Variants in AQR observed in about 807,000 individuals in gnomAD.
The protein encoded by AQR is aquarius intron-binding spliceosomal factor, also known as RNA helicase aquarius.
A neutral mutation model predicts 180.5 loss-of-function variants in AQR; 61 were observed. The ratio of observed to expected loss-of-function variants is 0.34; its 90% confidence interval spans 0.28 to 0.42. The LOEUF is 0.42. Ranked by LOEUF, AQR falls within the 10% of genes least tolerant of loss-of-function variation. The probability of loss-of-function intolerance (pLI) is 1.00; values close to 1 mark genes in which losing one functional copy is unlikely to be tolerated. For synonymous variants in AQR, 551 were observed against 588.8 expected, an observed-to-expected ratio of 0.94 and a Z score of 0.93; for missense variants, 1,281 against 1,798.3, an observed-to-expected ratio of 0.71 and a Z score of 5.20.
intron 12 of AQR, among the ~76,000 whole-genome samples, chr15:34,929,284 G>A (rs1390697245): frequency 6.6e-6 from 1 of 152,100 alleles, no homozygotes; most frequent in Admixed American, 6.5e-5. Flanking sequence ...GTCCTGAATG[G>A]TATCGCCTAG....
intron 23 of AQR, 116 bp downstream of exon 23, chr15:34,893,547 G>C (rs180953396): frequency 1.2e-6 from 1 of 803,150 alleles, no homozygotes; most frequent in Admixed American, 2.3e-5. Context: ...AACTTATTGT[G>C]TCCCACACTT....
intron 9 of AQR, 28 bp from the exon 10 acceptor site, chr15:34,934,663 A>C: frequency 6.7e-7 from 1 of 1,482,210 alleles, no homozygotes; most frequent in Non-Finnish European, 9.0e-7. Flanking sequence ...CGCATGATAG[A>C]ATTTCCTTAC....
Position 34,884,436 on chromosome 15 carries a change from G to C in AQR, c.3027+89C>G, listed in dbSNP as rs962097327. On this transcript the variant is annotated intron_variant, in intron 26 of 34. Coordinates refer to ENST00000156471, the MANE Select transcript of AQR (RefSeq NM_014691.3). ...AAAACAAAAAAACAAAAAAACAAAA[G>C]ATTTGAATATTTCACATTTACTTCA... The C allele has an allele frequency of 4.3e-6, 5 of 1,165,842 alleles. No individual in the cohort carries two copies. In the Admixed American group the frequency reaches 1.4e-4, roughly 33 times the overall value. 72.2% of individuals were successfully genotyped at this position (1,165,842 alleles called of 1,614,324 possible). A position where few individuals can be genotyped will look rare whatever the true frequency, so the allele number is the denominator to read the frequency against.
At chr15:34,918,502 T>C in intron 14 of AQR, 124 bp from the exon 15 acceptor site, 1 of 1,063,250 alleles carries the variant, frequency 9.4e-7, no homozygotes, top group Non-Finnish European at 1.3e-6. Context: ...TTTTTTTTTC[T>C]TTTCCTATTT....
At chr15:34,916,882 C>CAAAAAAGAAAAAAAAAA (rs1893599549) in intron 15 of AQR, among the ~76,000 whole-genome samples, 1 of 79,236 alleles carries the variant, frequency 1.3e-5, no homozygotes, top group South Asian at 3.4e-4. Flanking sequence ...TTCAGCAGAA[C>CAAAAAAGAAAAAAAAAA]AAAAAAAAAA....
At chr15:34,955,886 T>A (rs1003891510) in intron 3 of AQR, among the ~76,000 whole-genome samples, 3 of 140,852 alleles carry the variant, frequency 2.1e-5, no homozygotes, top group African/African-American at 8.1e-5. Flanking sequence ...TCCAGCCTGG[T>A]GACAACAGCG....
intron 27 of AQR, among the ~76,000 whole-genome samples, chr15:34,880,102 C>G (rs79705988): frequency 0.013 from 2,048 of 152,270 alleles, 48 homozygotes; most frequent in African/African-American, 0.047. Context: ...CTTTGGGCTT[C>G]TGAACAGCTA....
At chr15:34,944,567 C>A in intron 5 of AQR, 139 bp from the exon 6 acceptor site, 2 of 808,850 alleles carry the variant, frequency 2.5e-6, no homozygotes, top group Non-Finnish European at 3.6e-6. Context: ...ATAAAAGAAG[C>A]ATCACGTGCT....
At position 34,855,189 on chromosome 15, in the gene AQR, A is replaced by G. The variant is rs1182949323; in HGVS notation, c.*1603T>C. On this transcript the variant is annotated 3_prime_UTR_variant, in exon 35 of 35. Coordinates refer to ENST00000156471, the MANE Select transcript of AQR (RefSeq NM_014691.3). ...ATGTCCTGATGCAGTAGGATACATC[A>G]TAAAATGAGAGTCTGTACCATATTC... The G allele has an allele frequency of 6.6e-6, 1 of 152,236 alleles. No homozygotes were observed. The highest frequency in any genetic ancestry group is 1.5e-5 in the Non-Finnish European group (1 of 68,044). 9.4% of individuals were successfully genotyped at this position (152,236 alleles called of 1,614,324 possible).
chr15:34,944,956 A>G (rs1760570827), intron 5 of AQR, among the ~76,000 whole-genome samples: 1 of 152,208 alleles, frequency 6.6e-6, no homozygotes, highest in African/African-American at 2.4e-5. Flanking sequence ...GGTCTATACT[A>G]GTTGTTTTCA....
rs1892531184 is a variant in AQR at position 34,852,581 on chromosome 15, A to C, written c.*4211T>G. On this transcript the variant is annotated 3_prime_UTR_variant, in exon 35 of 35. Transcript: ENST00000156471. ...TACCTATCTTATTAAAAAAAAACAA[A>C]AACAAAGTTTTATGCTCTAATAAGT... 6.6e-6 allele frequency: 1 copy of C among 152,210 alleles called. No individual in the cohort carries two copies. The highest frequency in any genetic ancestry group is 2.1e-4 in the South Asian group (1 of 4,824). The allele number at this position is 152,210 out of a possible 1,614,324, so 9.4% of individuals were successfully genotyped here.
chr15:34,875,887 G>T, intron 28 of AQR, 48 bp downstream of exon 28: 1 of 1,442,176 alleles, frequency 6.9e-7, no homozygotes, highest in Non-Finnish European at 9.8e-7. Context: ...GCTGTCCTCA[G>T]CATTCTTAGA....
chr15:34,884,863 C>G, intron 25 of AQR, 129 bp from the exon 26 acceptor site: 1 of 693,252 alleles, frequency 1.4e-6, no homozygotes, highest in Non-Finnish European at 2.3e-6. Context: ...ATCTTTGATC[C>G]AATATAACTA....
At chr15:34,930,860 G>A (rs1320105105) in intron 11 of AQR, among the ~76,000 whole-genome samples, 2 of 133,000 alleles carry the variant, frequency 1.5e-5, no homozygotes, top group Admixed American at 8.7e-5. Flanking sequence ...GGTCTGAGAC[G>A]GAGTCTCGCT....
intron 2 of AQR, among the ~76,000 whole-genome samples, chr15:34,963,661 C>CTTTT (rs35112194): frequency 6.7e-6 from 1 of 148,598 alleles, no homozygotes; most frequent in Non-Finnish European, 1.5e-5. Context: ...TACACGTACA[C>CTTTT]TTTTTTTTTT....
In AQR at chr15:34,884,012, G is replaced by A. The variant is rs77964769; in HGVS notation, c.3027+513C>T. Among the ~76,000 whole-genome samples, 824 of 152,218 alleles carry A rather than the reference G, an allele frequency of 5.4e-3. 6 individuals carry two copies. The highest frequency in any genetic ancestry group is 0.018 in the African/African-American group (727 of 41,516). Reference sequence around the variant, plus strand: ...AAGAACCATTATTGAATTTCTTGACGGAAGCATTCCTTTCTCAAAAATACT... The same window carrying A: ...AAGAACCATTATTGAATTTCTTGACAGAAGCATTCCTTTCTCAAAAATACT... On this transcript the variant is annotated intron_variant, in intron 26 of 34. Transcript: ENST00000156471.
At chr15:34,869,773 T>C (rs1247379623) in intron 31 of AQR, 1 of 152,208 alleles carries the variant, frequency 6.6e-6, no homozygotes, top group Non-Finnish European at 1.5e-5. Context: ...CCAGCTTACA[T>C]TTCATCTCTT....
chr15:34,896,276 G>A (rs531414486), intron 22 of AQR, among the ~76,000 whole-genome samples: 8 of 152,206 alleles, frequency 5.3e-5, no homozygotes, highest in African/African-American at 1.9e-4. Context: ...ACCCTGATTT[G>A]ATCATTACAC....
intron 9 of AQR, among the ~76,000 whole-genome samples, chr15:34,937,622 G>A (rs1007398734): frequency 6.6e-6 from 1 of 152,092 alleles, no homozygotes; most frequent in Non-Finnish European, 1.5e-5. Flanking sequence ...GGTGGCTCAC[G>A]CCTGTGATCC....
Sources: gnomAD v4.1 joint callset for allele counts (sites outside exome capture counted in the v4.1 genomes callset) on GRCh38, gnomAD v4.1.1 for gene constraint, MANE v1.5 for transcripts, NCBI Gene and HGNC (gene_info 2026-07-23, HGNC 2026-07-21) for gene names.